Variants in NLRP12 observed in about 807,000 individuals in gnomAD.
NLRP12 encodes NLR family pyrin domain containing 12, also known as NACHT, LRR and PYD domains-containing protein 12.
NLRP12 carries 108 observed loss-of-function variants against 91.2 expected under a neutral mutation model. The ratio of observed to expected loss-of-function variants is 1.18; its 90% CI spans 1.01 to 1.39. The LOEUF (loss-of-function observed/expected upper bound fraction) is 1.39. Among genes scored for constraint, NLRP12 ranks in the 40% most tolerant of loss-of-function variants. The probability of loss-of-function intolerance (pLI) is 0.00; values close to 1 mark genes in which losing one functional copy is unlikely to be tolerated. For missense variants in NLRP12, 1,530 were observed against 1,352.7 expected (o/e 1.13, Z -2.06); for synonymous variants, 613 against 566.7 (o/e 1.08, Z -1.16).
At chr19:53,802,728 G>A (rs1224667174) in intron 6 of NLRP12, among the ~76,000 whole-genome samples, 1 of 151,772 alleles carries the variant, frequency 6.6e-6, no homozygotes, top group Non-Finnish European at 1.5e-5. Flanking sequence ...AGAAAACTGG[G>A]GAAGATGGTA....
In NLRP12 at chr19:53,824,155, C is replaced by T. The variant is rs2092309163; in HGVS notation, c.20G>A (p.Arg7Lys). The T allele has an allele frequency of 1.2e-6, 2 of 1,613,964 alleles. No homozygotes were observed. Among genetic ancestry groups the T allele is most frequent in the African/African-American group, 1.3e-5 (1 of 74,920 alleles). Residue 7 changes from arginine (R) to lysine (K), a missense_variant, in exon 1 of 10, where the codon AGG (arginine) becomes AAG (lysine). Transcript: ENST00000324134. MLRTAG[R>K]DGLCRLSTYL... ...GGTGGACAGGCGACAGAGGCCGTCC[C>T]TGCCTGCGGTTCGTAGCATGGGGGT...
intron 1 of NLRP12, among the ~76,000 whole-genome samples, chr19:53,820,721 A>T (rs1472896974): frequency 2.0e-5 from 3 of 146,500 alleles, no homozygotes; most frequent in African/African-American, 7.6e-5. Context: ...GGAGTCTTGC[A>T]CTGTCACCCA....
intron 7 of NLRP12, among the ~76,000 whole-genome samples, chr19:53,800,766 C>T (rs2091855281): frequency 6.6e-6 from 1 of 151,958 alleles, no homozygotes; most frequent in East Asian, 1.9e-4. Flanking sequence ...ATTTTTAGTA[C>T]AGATGGGGTG....
At chr19:53,817,084 G>T (rs536188817) in intron 1 of NLRP12, among the ~76,000 whole-genome samples, 7 of 151,070 alleles carry the variant, frequency 4.6e-5, no homozygotes, top group African/African-American at 1.7e-4. Context: ...AAGGTCAGGA[G>T]ATCGAGACCA....
At chr19:53,815,810 C>T (rs149818350) in intron 1 of NLRP12, among the ~76,000 whole-genome samples, 6,702 of 151,928 alleles carry the variant, frequency 0.044, 180 homozygotes, top group South Asian at 0.1. Context: ...CAGGGTTTCA[C>T]CATGTGGGTC....
At chr19:53,804,397 T>C (rs1050269337) in intron 5 of NLRP12, among the ~76,000 whole-genome samples, 12 of 70,640 alleles carry the variant, frequency 1.7e-4, no homozygotes, top group Non-Finnish European at 5.2e-4. Flanking sequence ...TTTTGGGTTT[T>C]TTTGTTTTTT....
intron 4 of NLRP12, among the ~76,000 whole-genome samples, chr19:53,807,161 A>T (rs1046934323): frequency 4.6e-5 from 7 of 151,620 alleles, no homozygotes; most frequent in African/African-American, 1.7e-4. Context: ...TCCGCCTCCC[A>T]GGTTCAAGCG....
At chr19:53,821,748 C>T (rs1004930698) in intron 1 of NLRP12, among the ~76,000 whole-genome samples, 3 of 151,850 alleles carry the variant, frequency 2.0e-5, no homozygotes, top group Non-Finnish European at 2.9e-5. Flanking sequence ...GTGGTGGGAG[C>T]GAGGAATCAG....
chr19:53,793,840 C>G lies in NLRP12; in HGVS notation c.*209G>C. ...GACCTCGTGATCCACCTGCCTCGGCCTCTCGAAGTGCTAGGATTACATACA... is the reference window on the plus strand; with the variant it reads ...GACCTCGTGATCCACCTGCCTCGGCGTCTCGAAGTGCTAGGATTACATACA... On this transcript the variant is annotated 3_prime_UTR_variant, in exon 10 of 10. Coordinates refer to ENST00000324134, the MANE Select transcript of NLRP12 (RefSeq NM_144687.4). 2 of 641,448 alleles carry G rather than the reference C, an allele frequency of 3.1e-6. No individual in the cohort carries two copies. The highest frequency in any genetic ancestry group is 2.8e-6 in the Non-Finnish European group (1 of 353,418). The allele number at this position is 641,448 out of a possible 1,614,324, so 39.7% of individuals were successfully genotyped here.
At position 53,815,770 on chromosome 19, in the gene NLRP12, G is replaced by A. The variant is rs550960634; in HGVS notation, c.290-782C>T. ...ACTACAGGCATGTGTCACCACGCCC[G>A]GATAATTTATTTTGTATTTTTAGTA... On this transcript the variant is annotated intron_variant, in intron 1 of 9. Coordinates refer to ENST00000324134, the MANE Select transcript of NLRP12 (RefSeq NM_144687.4). Among the ~76,000 whole-genome samples the A allele has an allele frequency of 1.4e-3, 205 of 151,130 alleles. 1 individual carries two copies. The highest frequency in any genetic ancestry group is 2.0e-3 in the Non-Finnish European group (136 of 67,788).
intron 1 of NLRP12, among the ~76,000 whole-genome samples, chr19:53,819,376 C>T (rs1383538077): frequency 3.7e-5 from 5 of 135,668 alleles, no homozygotes; most frequent in Non-Finnish European, 6.2e-5. Flanking sequence ...TCCCAAGTAG[C>T]TGGGATTACA....
In NLRP12 at chr19:53,810,777, G is replaced by A. The variant is rs147080557; in HGVS notation, c.882C>T (p.Asp294=). ...RVPERLLFII[D]GFDELKPSFH... is the part of the protein sequence containing the mutation. ...AAGAAGGCTTGAGCTCATCGAAGCCGTCGATGATGAAAAGGAGGCGCTCGG... is the reference window on the plus strand; with the variant it reads ...AAGAAGGCTTGAGCTCATCGAAGCCATCGATGATGAAAAGGAGGCGCTCGG... The change falls in exon 3 of 10, where the codon GAC becomes GAT. Residue 294 remains aspartate (D), a synonymous_variant. Transcript: ENST00000324134. 6.6e-5 allele frequency: 106 copies of A among 1,614,088 alleles called. No homozygotes were observed. Among genetic ancestry groups the A allele is most frequent in the Non-Finnish European group, 8.4e-5 (99 of 1,180,032 alleles).
intron 8 of NLRP12, 37 bp downstream of exon 8, chr19:53,798,206 C>T (rs748871312): frequency 6.8e-6 from 11 of 1,612,286 alleles, no homozygotes; most frequent in Middle Eastern, 1.7e-4. Flanking sequence ...ACTGTCCAAA[C>T]GTGACCACTG....
intron 2 of NLRP12, among the ~76,000 whole-genome samples, chr19:53,814,247 C>T (rs2092123338): frequency 6.6e-6 from 1 of 152,154 alleles, no homozygotes; most frequent in Non-Finnish European, 1.5e-5. Context: ...ACCTCGTTCC[C>T]CTCTGTCAGT....
At chr19:53,799,501 T>G (rs1011441596) in intron 7 of NLRP12, among the ~76,000 whole-genome samples, 2 of 151,858 alleles carry the variant, frequency 1.3e-5, no homozygotes, top group Non-Finnish European at 2.9e-5. Context: ...TTTTTTTTTT[T>G]GAGATGGAAT....
chr19:53,823,636 C>A (rs2092302538), intron 1 of NLRP12, among the ~76,000 whole-genome samples: 1 of 150,914 alleles, frequency 6.6e-6, no homozygotes, highest in South Asian at 2.1e-4. Flanking sequence ...GCAGCCTCGA[C>A]CTTCTGGTCT....
At position 53,796,033 on chromosome 19, in the gene NLRP12, G is replaced by A. The variant is rs980154436; in HGVS notation, c.2928-4C>T. The A allele has an allele frequency of 6.2e-6, 10 of 1,614,030 alleles. No homozygotes were observed. The highest frequency in any genetic ancestry group is 8.5e-6 in the Non-Finnish European group (10 of 1,179,892). On this transcript the variant is annotated splice_polypyrimidine_tract_variant and splice_region_variant and intron_variant, in intron 8 of 9. Transcript: ENST00000324134. The stretch of plus-strand genomic sequence containing the variant: ...TGTGAGGCCACAGCTATCCAGCCTG[G>A]TGAAGATAAGGAGTTGGTTAAGGTA...
rs548409125 is a variant in NLRP12, at chr19:53,802,978, C to T, written c.2585+974G>A. Among the ~76,000 whole-genome samples the T allele has an allele frequency of 2.6e-5, 4 of 152,140 alleles. No homozygotes were observed. The East Asian group carries it at 7.7e-4, about 29-fold the overall frequency. On this transcript the variant is annotated intron_variant, in intron 6 of 9. Transcript: ENST00000324134. ...TTCCCAGGCTGCTCTTGAGCTCCTG[C>T]ACTCAAGCCATTCTCCTGCCTTGGC...
chr19:53,820,723 T>C (rs973836934), intron 1 of NLRP12, among the ~76,000 whole-genome samples: 1 of 149,348 alleles, frequency 6.7e-6, no homozygotes, highest in African/African-American at 2.5e-5. Context: ...AGTCTTGCAC[T>C]GTCACCCAGG....
Sources: gnomAD v4.1 joint callset for allele counts (sites outside exome capture counted in the v4.1 genomes callset) on GRCh38, gnomAD v4.1.1 for gene constraint, MANE v1.5 for transcripts, NCBI Gene and HGNC (gene_info 2026-07-23, HGNC 2026-07-21) for gene names.